The following CYB5B variants were observed in gnomAD, a reference collection of about 807,000 sequenced individuals.
CYB5B encodes cytochrome b5 type B, also known as cytochrome b5 type B (outer mitochondrial membrane).
Under a neutral mutation model 21.3 loss-of-function variants are expected in CYB5B, and 14 were observed. The ratio of observed to expected loss-of-function variants is 0.66; its 90% CI spans 0.43 to 1.03. The LOEUF (loss-of-function observed/expected upper bound fraction) is 1.03, where lower values mean the gene tolerates loss of function less well. Ranked by LOEUF, CYB5B falls within the 50% of genes least tolerant of loss-of-function variation. CYB5B has a pLI of 0.00. For synonymous variants in CYB5B, 69 were observed against 68.4 expected, an observed-to-expected ratio of 1.01 and a Z score of -0.04; for missense variants, 166 against 185.1, an observed-to-expected ratio of 0.90 and a Z score of 0.60.
chr16:69,459,149 A>T (rs2015009631), intron 4 of CYB5B, 28 bp downstream of exon 4: 1 of 1,603,142 alleles, frequency 6.2e-7, no homozygotes, highest in South Asian at 1.1e-5. Flanking sequence ...AGCTTTCCAT[A>T]CGTTCAAGGT....
At chr16:69,461,037 G>A (rs1168501680) in intron 4 of CYB5B, among the ~76,000 whole-genome samples, 1 of 152,094 alleles carries the variant, frequency 6.6e-6, no homozygotes, top group East Asian at 1.9e-4. Flanking sequence ...TTTCTGGCCG[G>A]CGTGGTGGCT....
At chr16:69,428,274 A>C (rs1326678874) in intron 1 of CYB5B, among the ~76,000 whole-genome samples, 2 of 152,210 alleles carry the variant, frequency 1.3e-5, no homozygotes, top group Admixed American at 6.5e-5. Context: ...CTATGCCCTC[A>C]TGGAGATTAC....
At chr16:69,451,816 C>T (rs973956845) in intron 3 of CYB5B, among the ~76,000 whole-genome samples, 3 of 151,746 alleles carry the variant, frequency 2.0e-5, no homozygotes, top group African/African-American at 4.8e-5. Flanking sequence ...CCGGCCGTGG[C>T]GGCGGGCAAC....
chr16:69,456,035 G>C (rs948445988), intron 3 of CYB5B, among the ~76,000 whole-genome samples: 5 of 152,096 alleles, frequency 3.3e-5, no homozygotes, highest in Admixed American at 6.5e-5. Context: ...GAAGATATTA[G>C]ATATAATTTT....
At chr16:69,454,251 C>T (rs762342479) in intron 3 of CYB5B, among the ~76,000 whole-genome samples, 2 of 152,030 alleles carry the variant, frequency 1.3e-5, no homozygotes, top group African/African-American at 2.4e-5. Flanking sequence ...TGAATTTTGC[C>T]ATATCTACAG....
intron 1 of CYB5B, among the ~76,000 whole-genome samples, chr16:69,428,053 G>A (rs1286918785): frequency 1.3e-5 from 2 of 151,388 alleles, no homozygotes; most frequent in Non-Finnish European, 1.5e-5. Flanking sequence ...TGGAACTCCT[G>A]GGCTCAAGGG....
chr16:69,461,499 A>G (rs1286179693), intron 4 of CYB5B, among the ~76,000 whole-genome samples: 5 of 152,192 alleles, frequency 3.3e-5, no homozygotes, highest in Non-Finnish European at 5.9e-5. Context: ...CATTTTTCTT[A>G]TGAACTTCAG....
intron 1 of CYB5B, among the ~76,000 whole-genome samples, chr16:69,439,796 A>G (rs755263209): frequency 7.7e-4 from 115 of 149,804 alleles, no homozygotes; most frequent in Admixed American, 1.8e-3. Context: ...CAAATTCCCA[A>G]CCTCAAGTGA....
intron 3 of CYB5B, among the ~76,000 whole-genome samples, chr16:69,453,390 A>G (rs1393537937): frequency 6.6e-6 from 1 of 152,226 alleles, no homozygotes; most frequent in African/African-American, 2.4e-5. Flanking sequence ...GATTACATCA[A>G]ATTAAAAATT....
chr16:69,462,573 A>T lies in CYB5B; in HGVS notation c.*53A>T, dbSNP rs1476620719. 1 of 1,478,056 alleles carries T rather than the reference A, an allele frequency of 6.8e-7. No individual in the cohort carries two copies. The highest frequency in any genetic ancestry group is 1.1e-5 in the South Asian group (1 of 88,302). The allele number at this position is 1,478,056 out of a possible 1,614,324, so 91.6% of individuals were successfully genotyped here. A position where few individuals can be genotyped will look rare whatever the true frequency, so the allele number is the denominator to read the frequency against. Reference sequence around the variant, plus strand: ...ATCCACTTTGGGGCGAAAACTAGAGACTTGCTTGGGGGCTGCAGAAGTGCC... The same window carrying T: ...ATCCACTTTGGGGCGAAAACTAGAGTCTTGCTTGGGGGCTGCAGAAGTGCC... On this transcript the variant is annotated 3_prime_UTR_variant, in exon 5 of 5. Transcript: ENST00000307892.
At chr16:69,429,703 G>A (rs558680293) in intron 1 of CYB5B, among the ~76,000 whole-genome samples, 6 of 152,284 alleles carry the variant, frequency 3.9e-5, no homozygotes, top group African/African-American at 9.6e-5. Flanking sequence ...TTAATGATGC[G>A]CCAGATTTGG....
rs57643930 is a variant in CYB5B, at chr16:69,466,078, C to CT, written c.*3567dup. The CT allele has an allele frequency of 0.13, 19,643 of 151,608 alleles. 2,429 individuals carry two copies. Among genetic ancestry groups the CT allele is most frequent in the African/African-American group, 0.33 (13,745 of 41,156 alleles). 9.4% of individuals were successfully genotyped at this position (151,608 alleles called of 1,614,324 possible). On this transcript the variant is annotated 3_prime_UTR_variant, in exon 5 of 5. Transcript: ENST00000307892. Reference sequence around the variant, plus strand: ...CCATTACTTCAGTTATTTAACTTCCCTTTTTTTTTAACTTCACCTTTGACT... The same window carrying CT: ...CCATTACTTCAGTTATTTAACTTCCCTTTTTTTTTTAACTTCACCTTTGACT...
At chr16:69,433,240 A>G (rs1478278925) in intron 1 of CYB5B, among the ~76,000 whole-genome samples, 1 of 152,260 alleles carries the variant, frequency 6.6e-6, no homozygotes, top group Non-Finnish European at 1.5e-5. Context: ...TAGGGAAGTT[A>G]GAACAGATAC....
chr16:69,443,424 C>A, intron 1 of CYB5B: 2 of 174,592 alleles, frequency 1.1e-5, no homozygotes, highest in South Asian at 2.8e-4. Flanking sequence ...TCTTATTGGT[C>A]AGTTGCCATT....
chr16:69,446,670 G>T (rs1278246628), intron 1 of CYB5B, among the ~76,000 whole-genome samples: 3 of 152,180 alleles, frequency 2.0e-5, no homozygotes, highest in Non-Finnish European at 4.4e-5. Flanking sequence ...CAGAAAAGTT[G>T]CAAGAATAGA....
intron 3 of CYB5B, among the ~76,000 whole-genome samples, chr16:69,456,310 T>C (rs1193649444): frequency 4.6e-5 from 7 of 152,128 alleles, no homozygotes; most frequent in Non-Finnish European, 1.0e-4. Context: ...CCAGCCCTAC[T>C]TATTTATTTT....
intron 1 of CYB5B, among the ~76,000 whole-genome samples, chr16:69,437,883 T>A (rs1223683417): frequency 6.6e-6 from 1 of 152,238 alleles, no homozygotes; most frequent in East Asian, 1.9e-4. Flanking sequence ...CATTTTGTAT[T>A]TGGCTTCTTT....
At chr16:69,426,615 G>A (rs952762002) in intron 1 of CYB5B, among the ~76,000 whole-genome samples, 3 of 142,522 alleles carry the variant, frequency 2.1e-5, no homozygotes, top group African/African-American at 8.0e-5. Flanking sequence ...TGAGGCAGGA[G>A]AATCACTTGA....
At chr16:69,450,010 CT>C (rs1300508497) in intron 3 of CYB5B, 3 of 152,118 alleles carry the variant, frequency 2.0e-5, no homozygotes, top group African/African-American at 7.2e-5. Flanking sequence ...GAGCCCAGCA[CT>C]TGGAGACCAG....
Sources: gnomAD v4.1 joint callset for allele counts (sites outside exome capture counted in the v4.1 genomes callset) on GRCh38, gnomAD v4.1.1 for gene constraint, MANE v1.5 for transcripts, NCBI Gene and HGNC (gene_info 2026-07-23, HGNC 2026-07-21) for gene names.